GGT7: variants seen among roughly 807,000 people sequenced by gnomAD.
The protein encoded by GGT7 is gamma-glutamyltransferase 7, also known as glutathione hydrolase 7.
A neutral mutation model predicts 69.2 loss-of-function variants in GGT7; 30 were observed. The ratio of observed to expected loss-of-function variants is 0.43; its 90% CI spans 0.32 to 0.59. GGT7 has a LOEUF of 0.59. Ranked by LOEUF, GGT7 falls within the 20% of genes least tolerant of loss-of-function variation. The pLI is 0.05. For synonymous variants in GGT7, 388 were observed against 391.8 expected (o/e 0.99, Z 0.12); for missense variants, 733 against 901.1 (o/e 0.81, Z 2.39).
rs183078607 is a variant in GGT7 at position 34,857,520 on chromosome 20, C to T, written c.1015-627G>A. Among the ~76,000 whole-genome samples the T allele has an allele frequency of 5.4e-4, 82 of 152,218 alleles. No homozygotes were observed. In the South Asian group the frequency reaches 8.9e-3, roughly 17 times the overall value. ...CCATCCTATCCAGTGTGCTGTCAAC[C>T]CTAAATTAGCATAACCACTCTGAAT... On this transcript the variant is annotated intron_variant, in intron 7 of 14. Transcript: ENST00000336431.
chr20:34,846,477 A>AT (rs112911298), intron 14 of GGT7, among the ~76,000 whole-genome samples: 32,153 of 143,620 alleles, frequency 0.22, 3,650 homozygotes, highest in South Asian at 0.39. Flanking sequence ...CTAATTTTCT[A>AT]TTTTTTTTTT....
Position 34,858,413 on chromosome 20 carries a change from T to C in GGT7, c.1014+1030A>G, listed in dbSNP as rs541239927. ...AAGTCTGTTTGAGTCTATCGCCACA[T>C]CCAGTGCCCAGCATAGGGCTTGGCA... On this transcript the variant is annotated intron_variant, in intron 7 of 14. Coordinates refer to ENST00000336431, the MANE Select transcript of GGT7 (RefSeq NM_178026.3). Among the ~76,000 whole-genome samples the C allele has an allele frequency of 6.6e-5, 10 of 152,296 alleles. No individual in the cohort carries two copies. The East Asian group carries it at 1.9e-3, about 29-fold the overall frequency.
Position 34,850,053 on chromosome 20 carries a change from A to C in GGT7, c.1733T>G (p.Leu578Arg). 6.2e-7 allele frequency: 1 copy of C among 1,612,726 alleles called. No homozygotes were observed. ...GTTCCGGTTCAAGGTCAGGACATTC[A>C]GCAGAACCTGTGGTAGCCAAGGTAC... is the stretch of plus-strand genomic sequence containing the variant. ...RGLSGLTQVLLNVLTLNRNLS... is the reference protein window; with the variant it reads ...RGLSGLTQVLRNVLTLNRNLS... The change falls in exon 14 of 15, where the codon CTG (leucine) becomes CGG (arginine). Residue 578 changes from leucine (L) to arginine (R), a missense_variant. By Grantham distance (102) the Leu-to-Arg change is moderately radical (BLOSUM62 -2). Coordinates refer to ENST00000336431, the MANE Select transcript of GGT7 (RefSeq NM_178026.3).
At chr20:34,870,561 G>A (rs2079761996) in intron 1 of GGT7, among the ~76,000 whole-genome samples, 1 of 151,878 alleles carries the variant, frequency 6.6e-6, no homozygotes, top group Non-Finnish European at 1.5e-5. Context: ...CGCGATCTTC[G>A]CTCACTGCAA....
intron 1 of GGT7, among the ~76,000 whole-genome samples, chr20:34,867,664 C>T (rs2079714805): frequency 6.6e-6 from 1 of 152,108 alleles, no homozygotes; most frequent in African/African-American, 2.4e-5. Context: ...TGCAGTGAGC[C>T]ACTGCCCACC....
chr20:34,860,133 G>T, intron 5 of GGT7, 91 bp from the exon 6 acceptor site: 1 of 1,016,922 alleles, frequency 9.8e-7, no homozygotes, highest in Non-Finnish European at 1.6e-6. Context: ...GGAGAGTCCT[G>T]GCAAGGGAAG....
In GGT7 at chr20:34,860,392, G is replaced by A. The variant is rs1045601159; in HGVS notation, c.676-71C>T. ...GAAGGGGGGTGCTGGGCTGAACTCCGCAGAGCCCCAAGCCAGGGATGGCTG... is the reference window on the plus strand; with the variant it reads ...GAAGGGGGGTGCTGGGCTGAACTCCACAGAGCCCCAAGCCAGGGATGGCTG... On this transcript the variant is annotated intron_variant, in intron 4 of 14. Transcript: ENST00000336431. 2.8e-5 allele frequency: 33 copies of A among 1,166,570 alleles called. No individual in the cohort carries two copies. In the Middle Eastern group the frequency reaches 7.7e-4, roughly 27 times the overall value. 72.3% of individuals were successfully genotyped at this position (1,166,570 alleles called of 1,614,324 possible).
chr20:34,852,826 C>T (rs1568931359), intron 10 of GGT7, among the ~76,000 whole-genome samples: 1 of 152,202 alleles, frequency 6.6e-6, no homozygotes, highest in East Asian at 1.9e-4. Flanking sequence ...TATGAAAGTG[C>T]CTGGTGCATA....
In GGT7 at chr20:34,872,826, G is replaced by C. The variant is rs2079804317; in HGVS notation, c.-11C>G. On this transcript the variant is annotated 5_prime_UTR_variant, in exon 1 of 15. Transcript: ENST00000336431. ...GTTCTCCGCCGCCATCCTCGCCCGC[G>C]CCCCCCAGCAGCGCAGCGCCTGCCG... 5 of 1,337,236 alleles carry C rather than the reference G, an allele frequency of 3.7e-6. No individual in the cohort carries two copies. Among genetic ancestry groups the C allele is most frequent in the Non-Finnish European group, 4.8e-6 (5 of 1,037,436 alleles). 82.8% of individuals were successfully genotyped at this position (1,337,236 alleles called of 1,614,324 possible). A position where few individuals can be genotyped will look rare whatever the true frequency, so the allele number is the denominator to read the frequency against.
At chr20:34,861,222 C>T (rs2079589235) in intron 4 of GGT7, 5 of 371,048 alleles carry the variant, frequency 1.3e-5, no homozygotes, top group Non-Finnish European at 1.9e-5. Context: ...TTTCTTCCTT[C>T]CCACGTGCCA....
intron 3 of GGT7, among the ~76,000 whole-genome samples, chr20:34,862,078 A>G (rs1214044582): frequency 1.3e-5 from 2 of 152,236 alleles, no homozygotes; most frequent in African/African-American, 2.4e-5. Context: ...TACGTCTAAG[A>G]TGGGGGCTGC....
intron 3 of GGT7, among the ~76,000 whole-genome samples, chr20:34,861,790 C>T (rs1256108561): frequency 6.6e-6 from 1 of 152,106 alleles, no homozygotes; most frequent in African/African-American, 2.4e-5. Context: ...CTCTTCTATC[C>T]TGTCACTGGA....
intron 5 of GGT7, 95 bp downstream of exon 5, chr20:34,860,159 G>A (rs1163557628): frequency 1.9e-6 from 2 of 1,046,616 alleles, no homozygotes; most frequent in Non-Finnish European, 3.0e-6. Flanking sequence ...ATTAGGAGGG[G>A]GAGTTGGGAA....
chr20:34,856,259 C>G (rs2079489612), intron 8 of GGT7, among the ~76,000 whole-genome samples: 1 of 152,202 alleles, frequency 6.6e-6, no homozygotes, highest in Admixed American at 6.5e-5. Context: ...AATCCAGCAC[C>G]TACCACCTTG....
Position 34,872,658 on chromosome 20 carries a change from T to C in GGT7, c.158A>G (p.Asp53Gly). 2 of 1,473,284 alleles carry C rather than the reference T, an allele frequency of 1.4e-6. No homozygotes were observed. The highest frequency in any genetic ancestry group is 1.8e-6 in the Non-Finnish European group (2 of 1,116,320). The allele number at this position is 1,473,284 out of a possible 1,614,324, so 91.3% of individuals were successfully genotyped here. Residue 53 changes from aspartate (D) to glycine (G), a missense_variant, in exon 1 of 15, where the codon GAC (aspartate) becomes GGC (glycine). By Grantham distance (94) the Asp-to-Gly change is moderately conservative. Transcript: ENST00000336431. ...TCAGCGGGCCTCACCGGTGTCGGGG[T>C]CTCCCAGAAAGGCGTCCTCGTCCTT... is the stretch of plus-strand genomic sequence containing the variant. ...GRKDEDAFLG[D>G]PDTDPDSFLK... is the part of the protein sequence containing the mutation.
Position 34,856,980 on chromosome 20 carries a change from A to C in GGT7, c.1015-87T>G, listed in dbSNP as rs145977204. ...AACACGTTTGGATCACAGACAGATCAGCTGTTTATAACTTCTGTGCCTTCT... is the reference window on the plus strand; with the variant it reads ...AACACGTTTGGATCACAGACAGATCCGCTGTTTATAACTTCTGTGCCTTCT... On this transcript the variant is annotated intron_variant, in intron 7 of 14. Transcript: ENST00000336431. The C allele has an allele frequency of 6.0e-5, 50 of 826,518 alleles. No homozygotes were observed. In the African/African-American group the frequency reaches 7.7e-4, roughly 13 times the overall value. The allele number at this position is 826,518 out of a possible 1,614,324, so 51.2% of individuals were successfully genotyped here.
intron 8 of GGT7, among the ~76,000 whole-genome samples, chr20:34,855,814 T>TGTGTGTATGTGTGA (rs56219337): frequency 2.1e-5 from 3 of 144,518 alleles, no homozygotes; most frequent in Non-Finnish European, 4.5e-5. Flanking sequence ...TGTGTGTGTG[T>TGTGTGTATGTGTGA]GATAATGGTC....
chr20:34,856,957 C>T (rs899593177), intron 7 of GGT7, 64 bp from the exon 8 acceptor site: 38 of 1,004,064 alleles, frequency 3.8e-5, no homozygotes, highest in South Asian at 2.0e-4. Flanking sequence ...TGGCCTATAA[C>T]ACGTTTGGAT....
Position 34,850,037 on chromosome 20 carries a change from C to T in GGT7, c.1749G>A (p.Leu583=). 6.2e-7 allele frequency: 1 copy of T among 1,613,872 alleles called. No individual in the cohort carries two copies. ...LTQVLLNVLT[L]NRNLSDSLAR... ...CCAGGCTGTCACTCAGGTTCCGGTT[C>T]AAGGTCAGGACATTCAGCAGAACCT... is the stretch of plus-strand genomic sequence containing the variant. Residue 583 remains leucine, a synonymous_variant, in exon 14 of 15, where the codon TTG becomes TTA. Transcript: ENST00000336431.
Sources: gnomAD v4.1 joint callset for allele counts (sites outside exome capture counted in the v4.1 genomes callset) on GRCh38, gnomAD v4.1.1 for gene constraint, MANE v1.5 for transcripts, NCBI Gene and HGNC (gene_info 2026-07-23, HGNC 2026-07-21) for gene names.